Variants in FABP3 observed in about 807,000 individuals in gnomAD.
The protein encoded by FABP3 is fatty acid binding protein 3.
FABP3 carries 8 observed loss-of-function variants against 13.4 expected under a neutral mutation model. The observed-to-expected ratio is 0.60, with a 90% CI of 0.35 to 1.07. The LOEUF (loss-of-function observed/expected upper bound fraction) is 1.07, where lower values mean the gene tolerates loss of function less well. Among genes scored for constraint, FABP3 ranks in the 50% least tolerant of loss-of-function variants. The pLI, the probability that FABP3 is intolerant of heterozygous loss-of-function variation, is 0.02. For synonymous variants in FABP3, 64 were observed against 60.0 expected (o/e 1.07, Z -0.31); for missense variants, 135 against 164.7 (o/e 0.82, Z 0.99).
At chr1:31,362,625 A>G (rs903830454), downstream of FABP3, among the ~76,000 whole-genome samples, 2 of 152,206 alleles carry the variant, frequency 1.3e-5, no homozygotes, top group South Asian at 2.1e-4. Context: ...GAGATGATGA[A>G]TATTCAAGGG....
At chr1:31,371,236 C>T (rs1187301896) in intron 1 of FABP3, among the ~76,000 whole-genome samples, 2 of 152,208 alleles carry the variant, frequency 1.3e-5, no homozygotes, top group African/African-American at 2.4e-5. Flanking sequence ...CAGTGAGGAA[C>T]TTGGCATTGC....
chr1:31,369,036 T>G (rs1640159335), intron 2 of FABP3: 1 of 212,396 alleles, frequency 4.7e-6, no homozygotes, highest in Admixed American at 5.3e-5. Context: ...CTGCCATCTA[T>G]GGAAGGGGAA....
intron 3 of FABP3, among the ~76,000 whole-genome samples, chr1:31,366,221 C>T (rs1361877247): frequency 6.6e-6 from 1 of 152,030 alleles, no homozygotes; most frequent in African/African-American, 2.4e-5. Flanking sequence ...GGTCAAGATC[C>T]TGAGTGTTTT....
At chr1:31,369,594 G>T in intron 1 of FABP3, 37 bp from the exon 2 acceptor site, 1 of 1,603,924 alleles carries the variant, frequency 6.2e-7, no homozygotes, top group Non-Finnish European at 8.5e-7. Context: ...ATATGAGCTG[G>T]GGTAGAGAAG....
intron 2 of FABP3, 128 bp from the exon 3 acceptor site, chr1:31,367,622 G>T: frequency 1.3e-6 from 1 of 766,980 alleles, no homozygotes. Flanking sequence ...GAGGACAAGA[G>T]CTCAGGCAAT....
In FABP3 at chr1:31,365,635, A is replaced by G; in HGVS notation, c.*251T>C. On this transcript the variant is annotated 3_prime_UTR_variant, in exon 4 of 4. Coordinates refer to ENST00000373713, the MANE Select transcript of FABP3 (RefSeq NM_004102.5). Reference sequence around the variant, plus strand: ...CCAAGACTCCCAGAGTTATGTTACCAAAGGCAAAAAGGCAACTGGGTGGCC... The same window carrying G: ...CCAAGACTCCCAGAGTTATGTTACCGAAGGCAAAAAGGCAACTGGGTGGCC... The G allele has an allele frequency of 2.2e-6, 1 of 447,474 alleles. No individual in the cohort carries two copies. Among genetic ancestry groups the G allele is most frequent in the Non-Finnish European group, 4.1e-6 (1 of 243,196 alleles). 27.7% of individuals were successfully genotyped at this position (447,474 alleles called of 1,614,324 possible).
In FABP3 at chr1:31,367,459, G is replaced by A. The variant is rs745953069; in HGVS notation, c.282C>T (p.His94=). 52 of 1,614,090 alleles carry A rather than the reference G, an allele frequency of 3.2e-5. No homozygotes were observed. The Admixed American group carries it at 7.7e-4, about 24-fold the overall frequency. Residue 94 remains histidine (H), a synonymous_variant, in exon 3 of 4, where the codon CAC becomes CAT. Coordinates refer to ENST00000373713, the MANE Select transcript of FABP3 (RefSeq NM_004102.5). Reference sequence around the variant, plus strand: ...TCTCTTGCCCGTCCCATTTCTGCAGGTGAACAAGTTTCCCTCCATCCAGTG... The same window carrying A: ...TCTCTTGCCCGTCCCATTTCTGCAGATGAACAAGTTTCCCTCCATCCAGTG... ...IVTLDGGKLV[H]LQKWDGQETT...
chr1:31,360,140 C>T, the FABP3 span, among the ~76,000 whole-genome samples: 7 of 151,972 alleles, frequency 4.6e-5, no homozygotes, highest in Non-Finnish European at 7.4e-5. Context: ...CCACCACGCC[C>T]GGCTAATTTT....
chr1:31,360,596 A>C (rs966461212), downstream of FABP3, among the ~76,000 whole-genome samples: 1 of 152,202 alleles, frequency 6.6e-6, no homozygotes, highest in African/African-American at 2.4e-5. Flanking sequence ...TTTTGCATCA[A>C]AGTTGAGGTC....
At chr1:31,362,670 T>C (rs538352325), downstream of FABP3, among the ~76,000 whole-genome samples, 93 of 152,184 alleles carry the variant, frequency 6.1e-4, no homozygotes, top group Admixed American at 9.2e-4. Context: ...ATGGCAGTTA[T>C]TTCCCCTGGC....
chr1:31,368,746 G>T (rs904050632), intron 2 of FABP3, among the ~76,000 whole-genome samples: 1 of 152,210 alleles, frequency 6.6e-6, no homozygotes, highest in Non-Finnish European at 1.5e-5. Flanking sequence ...AGGGGCTAAG[G>T]CTTGGTGGGA....
intron 2 of FABP3, among the ~76,000 whole-genome samples, chr1:31,368,180 T>TG (rs1334336836): frequency 6.6e-6 from 1 of 152,168 alleles, no homozygotes; most frequent in Non-Finnish European, 1.5e-5. Context: ...CCTAGGAGTT[T>TG]GGGGGCCACA....
Position 31,365,826 on chromosome 1 carries a change from T to A in FABP3, c.*60A>T. ...ATGCAGAGGAAGAAATGAGGCAATG[T>A]GGTGCTGAGTCGAGGGGTAGCCGAT... On this transcript the variant is annotated 3_prime_UTR_variant, in exon 4 of 4. Coordinates refer to ENST00000373713, the MANE Select transcript of FABP3 (RefSeq NM_004102.5). 6.9e-7 allele frequency: 1 copy of A among 1,447,420 alleles called. No homozygotes were observed. Among genetic ancestry groups the A allele is most frequent in the Non-Finnish European group, 9.7e-7 (1 of 1,029,338 alleles). 89.7% of individuals were successfully genotyped at this position (1,447,420 alleles called of 1,614,324 possible).
chr1:31,366,061 TA>T, intron 3 of FABP3, 122 bp from the exon 4 acceptor site: 3 of 654,298 alleles, frequency 4.6e-6, no homozygotes, highest in East Asian at 2.9e-5. Context: ...TATATGTATG[TA>T]TGTGTGTGTG....
chr1:31,365,760 A>T lies in FABP3; in HGVS notation c.*126T>A. 1.2e-6 allele frequency: 1 copy of T among 822,390 alleles called. No individual in the cohort carries two copies. Among genetic ancestry groups the T allele is most frequent in the Non-Finnish European group, 2.0e-6 (1 of 491,292 alleles). The allele number at this position is 822,390 out of a possible 1,614,324, so 50.9% of individuals were successfully genotyped here. ...TGGGAACTGGAACTGGATCCCGGTC[A>T]GTGGCACCTGACCCCAGAAGAATTC... On this transcript the variant is annotated 3_prime_UTR_variant, in exon 4 of 4. Transcript: ENST00000373713.
downstream of FABP3, among the ~76,000 whole-genome samples, chr1:31,363,619 C>G (rs762824471): frequency 2.0e-5 from 3 of 152,054 alleles, no homozygotes; most frequent in Admixed American, 6.5e-5. Flanking sequence ...TGGAGAAACC[C>G]AACTCCATAA....
rs201944683 is a variant in FABP3 at position 31,370,103 on chromosome 1, C to A, written c.74-546G>T. Among the ~76,000 whole-genome samples, 311 of 139,104 alleles carry A rather than the reference C, an allele frequency of 2.2e-3. 1 individual carries two copies. The highest frequency in any genetic ancestry group is 3.8e-3 in the East Asian group (18 of 4,764). The allele number at this position is 139,104 out of a possible 152,430, so 91.3% of individuals were successfully genotyped here. On this transcript the variant is annotated intron_variant, in intron 1 of 3. Transcript: ENST00000373713. ...TAGCCAACAGAGTGAGATTCCACCT[C>A]AAAAAAAAAAAAAAAGCTACTATTA...
Position 31,365,302 on chromosome 1 carries a change from G to A in FABP3, c.*584C>T, listed in dbSNP as rs999300002. ...GTGCCCTGAACCTGAATTCTGGAAA[G>A]GGAGAGACTACAGCATTTCACAGAG... On this transcript the variant is annotated 3_prime_UTR_variant, in exon 4 of 4. Coordinates refer to ENST00000373713, the MANE Select transcript of FABP3 (RefSeq NM_004102.5). Among the ~76,000 whole-genome samples, 2 of 152,186 alleles carry A rather than the reference G, an allele frequency of 1.3e-5. No homozygotes were observed. The highest frequency in any genetic ancestry group is 4.8e-5 in the African/African-American group (2 of 41,430).
Position 31,372,922 on chromosome 1 carries a change from G to T in FABP3, c.73+20C>A. On this transcript the variant is annotated intron_variant, in intron 1 of 3. Coordinates refer to ENST00000373713, the MANE Select transcript of FABP3 (RefSeq NM_004102.5). ...CAGCCAGTCCCCAAGCCAACATCCT[G>T]AGCCCCGCGGCTTGCTCACCGAGTG... The T allele has an allele frequency of 6.2e-7, 1 of 1,611,218 alleles. No homozygotes were observed.
Sources: gnomAD v4.1 joint callset for allele counts (sites outside exome capture counted in the v4.1 genomes callset) on GRCh38, gnomAD v4.1.1 for gene constraint, MANE v1.5 for transcripts, NCBI Gene and HGNC (gene_info 2026-07-23, HGNC 2026-07-21) for gene names.